ERI3: variants seen among roughly 807,000 people sequenced by gnomAD.
The protein encoded by ERI3 is ERI1 exoribonuclease family member 3, also known as ERI1 exoribonuclease 3.
ERI3 carries 18 observed loss-of-function variants against 44.4 expected under a neutral mutation model. The observed-to-expected ratio is 0.41, with a 90% CI of 0.28 to 0.60. ERI3 has a LOEUF of 0.60. Ranked by LOEUF, ERI3 falls within the 20% of genes least tolerant of loss-of-function variation. The pLI is 0.36. For missense variants in ERI3, 294 were observed against 435.5 expected (o/e 0.68, Z 2.89); for synonymous variants, 183 against 164.8 (o/e 1.11, Z -0.84).
At chr1:44,294,872 C>T (rs1645579139) in intron 6 of ERI3, among the ~76,000 whole-genome samples, 1 of 152,238 alleles carries the variant, frequency 6.6e-6, no homozygotes, top group Non-Finnish European at 1.5e-5. Context: ...GACCCTATGC[C>T]TGAACTGCCG....
At chr1:44,319,552 G>A in intron 4 of ERI3, 76 bp downstream of exon 4, 1 of 907,996 alleles carries the variant, frequency 1.1e-6, no homozygotes, top group Non-Finnish European at 1.8e-6. Context: ...CTTTCTCTAA[G>A]TGGCCTATAT....
intron 6 of ERI3, among the ~76,000 whole-genome samples, chr1:44,295,280 GA>G (rs1412280286): frequency 6.6e-6 from 1 of 151,566 alleles, no homozygotes; most frequent in East Asian, 1.9e-4. Flanking sequence ...CTGTTCAAAA[GA>G]AAAAAAAGTT....
intron 7 of ERI3, among the ~76,000 whole-genome samples, chr1:44,261,810 G>GCC (rs945711660): frequency 5.3e-5 from 8 of 152,202 alleles, no homozygotes; most frequent in Non-Finnish European, 1.2e-4. Context: ...TCCCAACCAG[G>GCC]CCCAGGAACC....
At chr1:44,251,244 T>C in intron 7 of ERI3, among the ~76,000 whole-genome samples, 1 of 152,226 alleles carries the variant, frequency 6.6e-6, no homozygotes, top group African/African-American at 2.4e-5. Context: ...TTAAAGCCCA[T>C]GCCTCTCCCC....
intron 5 of ERI3, among the ~76,000 whole-genome samples, chr1:44,310,990 C>T (rs1645959491): frequency 6.6e-6 from 1 of 151,350 alleles, no homozygotes; most frequent in African/African-American, 2.4e-5. Flanking sequence ...CACACACACA[C>T]ACACACACAC....
chr1:44,270,118 G>T (rs558389093), intron 7 of ERI3, among the ~76,000 whole-genome samples: 1 of 152,070 alleles, frequency 6.6e-6, no homozygotes, highest in Admixed American at 6.5e-5. Flanking sequence ...CCAGTTTCAG[G>T]GTCTAGAGTA....
At chr1:44,344,271 AT>A (rs1646741801) in intron 2 of ERI3, among the ~76,000 whole-genome samples, 1 of 151,090 alleles carries the variant, frequency 6.6e-6, no homozygotes, top group African/African-American at 2.5e-5. Context: ...AAATAAATAA[AT>A]AAATAAAATT....
intron 2 of ERI3, among the ~76,000 whole-genome samples, chr1:44,346,267 T>C (rs559152971): frequency 6.6e-6 from 1 of 152,272 alleles, no homozygotes; most frequent in Admixed American, 6.5e-5. Flanking sequence ...AGAGCTAAAA[T>C]CACTAAAGAT....
intron 7 of ERI3, among the ~76,000 whole-genome samples, chr1:44,265,162 G>A (rs533691865): frequency 2.7e-5 from 4 of 146,952 alleles, no homozygotes; most frequent in Non-Finnish European, 6.0e-5. Flanking sequence ...GAGAACAAGT[G>A]GAGTCAGTGT....
At chr1:44,336,907 A>G (rs960009986) in intron 3 of ERI3, among the ~76,000 whole-genome samples, 1 of 152,230 alleles carries the variant, frequency 6.6e-6, no homozygotes, top group African/African-American at 2.4e-5. Flanking sequence ...AAACAATGTG[A>G]AGCCCTAACT....
At chr1:44,340,382 C>T (rs1258438077) in intron 2 of ERI3, among the ~76,000 whole-genome samples, 82 of 152,212 alleles carry the variant, frequency 5.4e-4, no homozygotes, top group Admixed American at 5.4e-3. Flanking sequence ...AATAAGAAAT[C>T]TCACTGTACA....
chr1:44,265,178 C>T (rs1644966582), intron 7 of ERI3, among the ~76,000 whole-genome samples: 1 of 152,146 alleles, frequency 6.6e-6, no homozygotes, highest in Non-Finnish European at 1.5e-5. Context: ...AGTGTTGAGT[C>T]TGCTCGAGGC....
intron 5 of ERI3, among the ~76,000 whole-genome samples, chr1:44,312,671 T>A (rs1357905751): frequency 6.6e-6 from 1 of 152,246 alleles, no homozygotes; most frequent in Non-Finnish European, 1.5e-5. Context: ...AGCGGCAAGC[T>A]GCAGTGGGGC....
intron 7 of ERI3, among the ~76,000 whole-genome samples, chr1:44,274,539 G>C (rs922284896): frequency 6.6e-6 from 1 of 152,188 alleles, no homozygotes; most frequent in Admixed American, 6.5e-5. Context: ...GGGGCAGGGA[G>C]ATGGGAAGAA....
intron 7 of ERI3, among the ~76,000 whole-genome samples, chr1:44,271,105 C>T (rs1274539074): frequency 1.3e-5 from 2 of 152,170 alleles, no homozygotes; most frequent in African/African-American, 2.4e-5. Flanking sequence ...TGCACACAAA[C>T]GTGGCAGTTT....
At chr1:44,229,377 T>C (rs990117905) in intron 8 of ERI3, among the ~76,000 whole-genome samples, 15 of 152,168 alleles carry the variant, frequency 9.9e-5, no homozygotes, top group African/African-American at 3.6e-4. Flanking sequence ...TTCTGTGTTA[T>C]TGCTTGTCTG....
intron 1 of ERI3, chr1:44,354,655 CT>C: frequency 1.0e-6 from 1 of 985,404 alleles, no homozygotes; most frequent in Non-Finnish European, 1.2e-6. Flanking sequence ...CTAGTCAAAC[CT>C]TTTTCTTCTC....
At chr1:44,242,780 T>C (rs939589923) in intron 8 of ERI3, among the ~76,000 whole-genome samples, 1 of 152,102 alleles carries the variant, frequency 6.6e-6, no homozygotes, top group African/African-American at 2.4e-5. Context: ...GTTTGGTGTG[T>C]GCTAATCCTG....
intron 7 of ERI3, among the ~76,000 whole-genome samples, chr1:44,258,857 G>A (rs1274056002): frequency 6.6e-6 from 1 of 152,140 alleles, no homozygotes; most frequent in Admixed American, 6.5e-5. Context: ...CTTCTCTGAT[G>A]TTTGGAGGGA....
Sources: allele counts gnomAD v4.1 joint callset (sites outside exome capture counted in the v4.1 genomes callset), GRCh38; gene constraint gnomAD v4.1.1; transcripts MANE v1.5; gene names NCBI Gene and HGNC (gene_info 2026-07-23, HGNC 2026-07-21).